PARG: variants seen among roughly 807,000 people sequenced by gnomAD.
PARG encodes the protein mitochondrial poly(ADP-ribose) glycohydrolase.
Under a neutral mutation model 113.0 loss-of-function variants are expected in PARG, and 35 were observed. The ratio of observed to expected loss-of-function variants is 0.31; its 90% confidence interval spans 0.24 to 0.41. The LOEUF is 0.41. Among genes scored for constraint, PARG ranks in the 10% least tolerant of loss-of-function variants. The pLI is 1.00. For synonymous variants in PARG, 330 were observed against 409.9 expected (o/e 0.81, Z 2.36); for missense variants, 797 against 1,169.4 (o/e 0.68, Z 4.64).
intron 6 of PARG, among the ~76,000 whole-genome samples, chr10:49,920,463 A>AATATATATATATATAT (rs202215714): frequency 2.1e-5 from 1 of 47,988 alleles, no homozygotes; most frequent in Non-Finnish European, 5.7e-5. Context: ...AAAAAAAAAA[A>AATATATATATATATAT]ATATATATAT....
intron 10 of PARG, among the ~76,000 whole-genome samples, chr10:49,865,656 AG>A (rs1846473548): frequency 6.7e-6 from 1 of 149,208 alleles, no homozygotes; most frequent in African/African-American, 2.5e-5. Flanking sequence ...GCACAACAGT[AG>A]GATTTGAGTG....
chr10:49,847,703 TTAAC>T (rs1307621795), intron 13 of PARG, among the ~76,000 whole-genome samples: 30 of 130,344 alleles, frequency 2.3e-4, no homozygotes, highest in Admixed American at 1.7e-4. Context: ...ATAATGTAGA[TTAAC>T]TAACAGTACT....
In PARG at chr10:49,885,247, C is replaced by T. The variant is rs1483399543; in HGVS notation, c.1786G>A (p.Asp596Asn). The change falls in exon 8 of 18, where the codon GAT becomes AAT. Residue 596 changes from aspartate to asparagine, a missense_variant. By Grantham distance (23) the Asp-to-Asn change is conservative. This residue lies in a region of PARG where 252 missense variants were observed against 437.4 expected (regional missense o/e 0.58). Transcript: ENST00000616448. ...AGACAGAGTGCAATTTTCACCATAT[C>T]AGGCAAGATGGACTGATATAAATGT... ...AQHLYQSILP[D>N]MVKIALCLPN... 5 of 1,609,442 alleles carry T rather than the reference C, an allele frequency of 3.1e-6. No homozygotes were observed. The African/African-American group carries it at 6.7e-5, about 22-fold the overall frequency.
Position 49,940,740 on chromosome 10 carries a change from C to T in PARG, c.217+769G>A, listed in dbSNP as rs1839001719. 2.0e-5 allele frequency among the ~76,000 whole-genome samples: 3 copies of T among 152,106 alleles called. No individual in the cohort carries two copies. The South Asian group carries it at 6.2e-4, about 31-fold the overall frequency. ...ACGGGGTTTCACCATATTGGTAAGG[C>T]TGGTCTTGAGCTCCTGACCTCAGGT... On this transcript the variant is annotated intron_variant, in intron 1 of 17. Coordinates refer to ENST00000616448, the MANE Select transcript of PARG (RefSeq NM_003631.5).
intron 4 of PARG, among the ~76,000 whole-genome samples, chr10:49,924,903 AGGCATGGACTAGGG>A (rs1158544452): frequency 4.0e-4 from 61 of 152,334 alleles, no homozygotes; most frequent in Admixed American, 8.5e-4. Flanking sequence ...GAATCCAGAC[AGGCATGGACTAGGG>A]GTCTATGGCC....
intron 13 of PARG, among the ~76,000 whole-genome samples, chr10:49,846,175 T>C (rs2132468297): frequency 6.6e-6 from 1 of 150,832 alleles, no homozygotes; most frequent in East Asian, 2.0e-4. Flanking sequence ...CACTGACACA[T>C]TAAAAAACAT....
intron 8 of PARG, among the ~76,000 whole-genome samples, chr10:49,881,113 G>C (rs2664596): frequency 6.6e-6 from 1 of 152,138 alleles, no homozygotes; most frequent in Non-Finnish European, 1.5e-5. Flanking sequence ...ATTCCTTTCT[G>C]TTGATTCCAG....
chr10:49,847,359 T>TCCAACCC (rs1554833511), intron 13 of PARG, among the ~76,000 whole-genome samples: 1 of 151,470 alleles, frequency 6.6e-6, no homozygotes, highest in East Asian at 2.0e-4. Flanking sequence ...CAACCCAACT[T>TCCAACCC]AACCAAGTCA....
Position 49,874,853 on chromosome 10 carries a change from C to CA in PARG, c.1988+4819dup, listed in dbSNP as rs1482800037. The stretch of plus-strand genomic sequence containing the variant: ...TGGTCGACAGAGCGAGACTCTGTCC[C>CA]AAAAAAAACAAAAACAAAAACAAAA... On this transcript the variant is annotated intron_variant, in intron 9 of 17. Transcript: ENST00000616448. Among the ~76,000 whole-genome samples, 12 of 128,774 alleles carry CA rather than the reference C, an allele frequency of 9.3e-5. 2 individuals carry two copies. The highest frequency in any genetic ancestry group is 1.6e-4 in the Non-Finnish European group (9 of 57,866). The allele number at this position is 128,774 out of a possible 152,430, so 84.5% of individuals were successfully genotyped here.
intron 15 of PARG, among the ~76,000 whole-genome samples, chr10:49,838,710 C>A (rs1845075087): frequency 6.6e-6 from 1 of 151,836 alleles, no homozygotes; most frequent in South Asian, 2.1e-4. Context: ...CTATTGTTAT[C>A]TGTATAATTT....
rs1554910069 is a variant in PARG, at chr10:49,932,273, A to G, written c.1282T>C (p.Trp428Arg). ...PKAEDRRKEQ[W>R]ETKHQRTERK... ...TCTGTTCTTTGATGTTTGGTTTCCC[A>G]CTGTTCTTTTCTAAGGTCAAGACAA... Residue 428 changes from tryptophan (W) to arginine (R), a missense_variant, in exon 4 of 18, where the codon TGG becomes CGG. By Grantham distance (101) the Trp-to-Arg change is moderately radical (BLOSUM62 -3). Transcript: ENST00000616448. 3.4e-5 allele frequency: 54 copies of G among 1,570,796 alleles called. No individual in the cohort carries two copies. The East Asian group carries it at 1.1e-3, about 33-fold the overall frequency.
intron 7 of PARG, among the ~76,000 whole-genome samples, chr10:49,896,985 A>AT (rs2132719936): frequency 6.6e-6 from 1 of 152,322 alleles, no homozygotes; most frequent in South Asian, 2.1e-4. Flanking sequence ...TTTGTCTCAC[A>AT]TATGTTAAAA....
rs1255116963 is a variant in PARG at position 49,941,541 on chromosome 10, G to A, written c.185C>T (p.Ala62Val). Reference sequence around the variant, plus strand: ...GGTGGCGCTGCCTCTGTGCTGTCCCGCCCGCCCTGGGACGCAGGCTGGCGA... The same window carrying A: ...GGTGGCGCTGCCTCTGTGCTGTCCCACCCGCCCTGGGACGCAGGCTGGCGA... ...PSSPACVPGR[A>V]GQHRGSATSL... The change falls in exon 1 of 18, where the codon GCG becomes GTG. Residue 62 changes from alanine to valine, a missense_variant. Around this residue, in one of 5 missense-constraint regions of PARG, gnomAD observed 284 missense variants for 306.1 expected, o/e 0.93. Transcript: ENST00000616448. 1.9e-6 allele frequency: 3 copies of A among 1,558,752 alleles called. No homozygotes were observed. Among genetic ancestry groups the A allele is most frequent in the African/African-American group, 1.4e-5 (1 of 73,342 alleles).
chr10:49,841,593 T>C (rs17719843), intron 15 of PARG, among the ~76,000 whole-genome samples: 1 of 152,150 alleles, frequency 6.6e-6, no homozygotes, highest in Non-Finnish European at 1.5e-5. Flanking sequence ...CCTGATAGCA[T>C]ACTTTGTAGA....
intron 6 of PARG, among the ~76,000 whole-genome samples, chr10:49,916,697 C>A (rs1377306735): frequency 5.3e-5 from 8 of 152,110 alleles, no homozygotes; most frequent in African/African-American, 1.7e-4. Flanking sequence ...AGGCAATCCA[C>A]TAGATGTGCA....
intron 7 of PARG, among the ~76,000 whole-genome samples, chr10:49,894,547 T>A (rs189011443): frequency 2.6e-3 from 395 of 152,240 alleles, no homozygotes; most frequent in African/African-American, 9.1e-3. Flanking sequence ...TTATTTTCTA[T>A]GTATAGTATG....
chr10:49,828,753 C>T (rs1297950955), intron 16 of PARG, among the ~76,000 whole-genome samples: 3 of 152,172 alleles, frequency 2.0e-5, no homozygotes, highest in Admixed American at 6.5e-5. Flanking sequence ...TGCATGTCTG[C>T]AGTCCCAGCT....
At chr10:49,826,404 A>C (rs907103551) in intron 16 of PARG, among the ~76,000 whole-genome samples, 2 of 152,148 alleles carry the variant, frequency 1.3e-5, no homozygotes, top group Non-Finnish European at 2.9e-5. Flanking sequence ...CCCTAACCAC[A>C]CTTCCTATAA....
At chr10:49,827,145 C>T (rs537000774) in intron 16 of PARG, among the ~76,000 whole-genome samples, 1 of 152,302 alleles carries the variant, frequency 6.6e-6, no homozygotes, top group African/African-American at 2.4e-5. Context: ...GGAGTAGTTA[C>T]CACTGGAGTA....
Sources: allele counts gnomAD v4.1 joint callset (sites outside exome capture counted in the v4.1 genomes callset), GRCh38; gene constraint gnomAD v4.1.1; regional missense constraint gnomAD v4.1.1; transcripts MANE v1.5; gene names NCBI Gene and HGNC (gene_info 2026-07-23, HGNC 2026-07-21).